The following PHF21A variants were observed in gnomAD, a reference collection of about 807,000 sequenced individuals.
PHF21A encodes PHD finger protein 21A.
PHF21A carries 11 observed loss-of-function variants against 82.5 expected under a neutral mutation model. The observed-to-expected ratio is 0.13, with a 90% CI of 0.08 to 0.22. The LOEUF (loss-of-function observed/expected upper bound fraction) is 0.22, where lower values mean the gene tolerates loss of function less well. Ranked by LOEUF, PHF21A falls within the 10% of genes least tolerant of loss-of-function variation. PHF21A has a pLI of 1.00. For synonymous variants in PHF21A, 297 were observed against 302.8 expected (o/e 0.98, Z 0.20); for missense variants, 579 against 837.8 (o/e 0.69, Z 3.81).
chr11:45,958,449 T>TATATATATATATATATATACACAC, intron 10 of PHF21A, among the ~76,000 whole-genome samples: 1 of 15,080 alleles, frequency 6.6e-5, no homozygotes, highest in South Asian at 4.3e-3. Flanking sequence ...TATATATATA[T>TATATATATATATATATATACACAC]ACACACACAC....
intron 6 of PHF21A, among the ~76,000 whole-genome samples, chr11:45,985,238 C>T (rs533163866): frequency 1.3e-5 from 2 of 152,266 alleles, no homozygotes; most frequent in African/African-American, 4.8e-5. Context: ...TATTCATCAA[C>T]GCTGAGGATG....
chr11:46,008,811 C>T (rs1168892664), intron 6 of PHF21A, among the ~76,000 whole-genome samples: 1 of 152,046 alleles, frequency 6.6e-6, no homozygotes, highest in Non-Finnish European at 1.5e-5. Context: ...ATGTTTGCAA[C>T]TGTAAAATGT....
intron 1 of PHF21A, among the ~76,000 whole-genome samples, chr11:46,109,962 C>G (rs566197379): frequency 5.7e-5 from 8 of 140,726 alleles, no homozygotes; most frequent in Non-Finnish European, 1.5e-5. Context: ...GCCTGGGCAA[C>G]AGGGCAAGAC....
chr11:46,039,835 C>T (rs1326900882), intron 6 of PHF21A, among the ~76,000 whole-genome samples: 1 of 152,136 alleles, frequency 6.6e-6, no homozygotes, highest in Admixed American at 6.5e-5. Flanking sequence ...TTTTAAATTT[C>T]CCTAAGATTA....
At chr11:46,025,086 AAC>A (rs1475133786) in intron 6 of PHF21A, among the ~76,000 whole-genome samples, 2 of 152,206 alleles carry the variant, frequency 1.3e-5, no homozygotes, top group Non-Finnish European at 2.9e-5. Flanking sequence ...TATGAAAATA[AAC>A]ACACACTGCC....
intron 6 of PHF21A, among the ~76,000 whole-genome samples, chr11:46,014,623 C>T (rs1472308624): frequency 1.3e-5 from 2 of 152,234 alleles, no homozygotes; most frequent in Non-Finnish European, 2.9e-5. Flanking sequence ...TTCCCACCAA[C>T]AGTATATGTG....
At chr11:45,937,090 G>C (rs2089260003) in intron 16 of PHF21A, among the ~76,000 whole-genome samples, 1 of 152,198 alleles carries the variant, frequency 6.6e-6, no homozygotes, top group Non-Finnish European at 1.5e-5. Flanking sequence ...GCATCAGGAG[G>C]AGGACACTGA....
intron 6 of PHF21A, 137 bp from the exon 7 acceptor site, chr11:45,980,103 T>C (rs1448869098): frequency 7.9e-7 from 1 of 1,258,802 alleles, no homozygotes; most frequent in African/African-American, 1.5e-5. Flanking sequence ...AGGTTCTACA[T>C]ATGAAGAGCT....
chr11:45,941,553 A>G (rs1037162853), intron 15 of PHF21A, among the ~76,000 whole-genome samples: 2 of 152,192 alleles, frequency 1.3e-5, no homozygotes, highest in Non-Finnish European at 2.9e-5. Context: ...GACTCCCTGA[A>G]AGAGTCTCGG....
intron 6 of PHF21A, among the ~76,000 whole-genome samples, chr11:46,017,673 T>C (rs1269393623): frequency 6.6e-6 from 1 of 152,086 alleles, no homozygotes; most frequent in Non-Finnish European, 1.5e-5. Context: ...TTCTTCCAAA[T>C]TTCTACAAAA....
chr11:46,001,515 A>G (rs2095131464), intron 6 of PHF21A, among the ~76,000 whole-genome samples: 1 of 152,142 alleles, frequency 6.6e-6, no homozygotes, highest in Admixed American at 6.6e-5. Flanking sequence ...GCACCACAGC[A>G]TCAACAGACC....
intron 6 of PHF21A, among the ~76,000 whole-genome samples, chr11:46,033,387 C>T (rs1555120957): frequency 1.3e-5 from 2 of 152,162 alleles, no homozygotes; most frequent in South Asian, 2.1e-4. Flanking sequence ...ACCTCAGCCT[C>T]CCAAACAGCT....
At chr11:45,992,382 A>T (rs1445453722) in intron 6 of PHF21A, among the ~76,000 whole-genome samples, 1 of 151,470 alleles carries the variant, frequency 6.6e-6, no homozygotes, top group Non-Finnish European at 1.5e-5. Context: ...AATACAAAAA[A>T]AAAAAAAATT....
At chr11:45,938,128 C>A (rs1304732611) in intron 16 of PHF21A, 29 bp downstream of exon 16, 2 of 1,531,976 alleles carry the variant, frequency 1.3e-6, no homozygotes, top group East Asian at 4.7e-5. Context: ...CCTCCTCGGC[C>A]CCTCCCCTGT....
intron 1 of PHF21A, among the ~76,000 whole-genome samples, chr11:46,109,954 C>A (rs2097193277): frequency 6.7e-6 from 1 of 148,620 alleles, no homozygotes. Flanking sequence ...GCACTCCAGC[C>A]TGGGCAACAG....
chr11:45,972,115 T>C (rs1443576875), intron 7 of PHF21A, among the ~76,000 whole-genome samples: 1 of 151,796 alleles, frequency 6.6e-6, no homozygotes, highest in Non-Finnish European at 1.5e-5. Context: ...GCTGCAGAAG[T>C]GATCAAAGAT....
chr11:45,946,168 G>T, intron 14 of PHF21A, 165 bp from the exon 15 acceptor site: 2 of 1,485,412 alleles, frequency 1.3e-6, no homozygotes, highest in Non-Finnish European at 1.9e-6. Flanking sequence ...AGGAAGAGAA[G>T]CAAAGATTTA....
In PHF21A at chr11:46,043,166, T is replaced by C. The variant is rs565983616; in HGVS notation, c.153+33588A>G. ...GGTCCTTTAGAGGTAAGAAATTCAA[T>C]CAATGTAAAGTACACTTTAAATAAT... On this transcript the variant is annotated intron_variant, in intron 6 of 18. Coordinates refer to ENST00000676320, the MANE Select transcript of PHF21A (RefSeq NM_001352027.3). Among the ~76,000 whole-genome samples the C allele has an allele frequency of 5.9e-5, 9 of 152,264 alleles. No homozygotes were observed. The South Asian group carries it at 1.9e-3, about 32-fold the overall frequency.
At chr11:46,080,018 TA>T (rs2096771508) in intron 4 of PHF21A, among the ~76,000 whole-genome samples, 1 of 152,156 alleles carries the variant, frequency 6.6e-6, no homozygotes, top group Non-Finnish European at 1.5e-5. Context: ...TCAGAAGTCC[TA>T]AAGTATCTGG....
Sources: gnomAD v4.1 joint callset for allele counts (sites outside exome capture counted in the v4.1 genomes callset) on GRCh38, gnomAD v4.1.1 for gene constraint, MANE v1.5 for transcripts, NCBI Gene and HGNC (gene_info 2026-07-23, HGNC 2026-07-21) for gene names.